Variants in EGLN3 observed in about 807,000 individuals in gnomAD.
EGLN3 encodes the protein egl-9 family hypoxia inducible factor 3.
EGLN3 carries 15 observed loss-of-function variants against 26.0 expected under a neutral mutation model. The observed-to-expected ratio is 0.58, with a 90% CI of 0.39 to 0.89. The LOEUF is 0.89. EGLN3 is among the 40% of genes least tolerant of loss of function. The pLI, the probability that EGLN3 is intolerant of heterozygous loss-of-function variation, is 0.00. For synonymous variants in EGLN3, 147 were observed against 127.2 expected (o/e 1.16, Z -1.05); for missense variants, 238 against 311.6 (o/e 0.76, Z 1.78).
At chr14:33,931,378 T>C (rs1242293809) in intron 1 of EGLN3, 163 bp from the exon 2 acceptor site, 2 of 1,016,700 alleles carry the variant, frequency 2.0e-6, no homozygotes, top group Non-Finnish European at 2.8e-6. Flanking sequence ...ATTTGGACTC[T>C]TCTGTGCACA....
At chr14:33,939,208 C>T (rs76076664) in intron 1 of EGLN3, among the ~76,000 whole-genome samples, 20 of 131,110 alleles carry the variant, frequency 1.5e-4, no homozygotes, top group African/African-American at 4.7e-4. Flanking sequence ...AAACAATCAT[C>T]TTTTTTTTTT....
intron 1 of EGLN3, among the ~76,000 whole-genome samples, chr14:33,937,822 A>G (rs185867916): frequency 6.6e-6 from 1 of 152,340 alleles, no homozygotes; most frequent in East Asian, 1.9e-4. Flanking sequence ...CTAATATTGT[A>G]GAAACTTCAG....
intron 4 of EGLN3, among the ~76,000 whole-genome samples, chr14:33,926,150 G>A (rs2064361036): frequency 6.6e-6 from 1 of 152,164 alleles, no homozygotes; most frequent in Non-Finnish European, 1.5e-5. Flanking sequence ...GGCACCTCTT[G>A]GGCTAATGCT....
intron 1 of EGLN3, among the ~76,000 whole-genome samples, chr14:33,941,558 C>G (rs541125601): frequency 2.1e-5 from 3 of 144,220 alleles, no homozygotes; most frequent in Non-Finnish European, 4.6e-5. Flanking sequence ...TCTATCCCCC[C>G]CAAAAAAAAT....
intron 1 of EGLN3, 93 bp from the exon 2 acceptor site, chr14:33,931,308 G>C: frequency 6.4e-7 from 1 of 1,554,586 alleles, no homozygotes; most frequent in South Asian, 1.2e-5. Flanking sequence ...CAGTCTCCTT[G>C]GGTGTTACGT....
intron 1 of EGLN3, among the ~76,000 whole-genome samples, chr14:33,934,095 C>G (rs1371698204): frequency 6.6e-6 from 1 of 152,190 alleles, no homozygotes; most frequent in Non-Finnish European, 1.5e-5. Context: ...TCCTATAGTT[C>G]TATTCTTGGA....
chr14:33,925,664 T>C lies in EGLN3; in HGVS notation c.*227A>G. On this transcript the variant is annotated 3_prime_UTR_variant, in exon 5 of 5. Transcript: ENST00000250457. ...TGGCCGAGTAGGATGTCTGCAGGAA[T>C]TTCTGGAGTTAGCAAGTAACTTCAT... is the stretch of plus-strand genomic sequence containing the variant. 1 of 569,334 alleles carries C rather than the reference T, an allele frequency of 1.8e-6. No homozygotes were observed. Among genetic ancestry groups the C allele is most frequent in the Non-Finnish European group, 3.1e-6 (1 of 321,130 alleles). 35.3% of individuals were successfully genotyped at this position (569,334 alleles called of 1,614,324 possible).
At position 33,925,922 on chromosome 14, in the gene EGLN3, C is replaced by T. The variant is rs1393015772; in HGVS notation, c.689G>A (p.Arg230Lys). 1 of 1,603,224 alleles carries T rather than the reference C, an allele frequency of 6.2e-7. No homozygotes were observed. The highest frequency in any genetic ancestry group is 1.7e-5 in the Admixed American group (1 of 59,134). The change falls in exon 5 of 5, where the codon AGG (arginine) becomes AAG (lysine). Residue 230 changes from arginine to lysine, a missense_variant and splice_region_variant. Transcript: ENST00000250457. Reference protein sequence around the residue: ...EAKKKFRNLTRKTESALTED With the variant: ...EAKKKFRNLTKKTESALTED ...TTCAGTGAGGGCAGATTCAGTTTTC[C>T]CTGGGTTGGGGACAGAAAGGAGAAT...
In EGLN3 at chr14:33,950,985, T is replaced by C; in HGVS notation, c.-233A>G. The C allele has an allele frequency of 1.8e-6, 1 of 553,544 alleles. No individual in the cohort carries two copies. Among genetic ancestry groups the C allele is most frequent in the East Asian group, 3.0e-5 (1 of 33,640 alleles). 34.3% of individuals were successfully genotyped at this position (553,544 alleles called of 1,614,324 possible). On this transcript the variant is annotated 5_prime_UTR_variant, in exon 1 of 5. Coordinates refer to ENST00000250457, the MANE Select transcript of EGLN3 (RefSeq NM_022073.4). ...AGTGGTGCGGAGCTCCACGACCCGT[T>C]TCCGGACTGGCCCGGCGAGCAGTGC...
Position 33,925,888 on chromosome 14 carries a change from C to A in EGLN3, c.*3G>T, listed in dbSNP as rs373988135. 145 of 1,613,956 alleles carry A rather than the reference C, an allele frequency of 9.0e-5. No homozygotes were observed. The African/African-American group carries it at 1.8e-3, about 20-fold the overall frequency. ...AACAAGGCCAGCAGATTTCAGAGCA[C>A]GGTCAGTCTTCAGTGAGGGCAGATT... On this transcript the variant is annotated 3_prime_UTR_variant, in exon 5 of 5. Transcript: ENST00000250457.
At chr14:33,927,844 A>C (rs2064373005) in intron 3 of EGLN3, among the ~76,000 whole-genome samples, 1 of 152,098 alleles carries the variant, frequency 6.6e-6, no homozygotes, top group Non-Finnish European at 1.5e-5. Flanking sequence ...ATTGAGGCAA[A>C]ATTGCAATTG....
chr14:33,927,190 T>G (rs569911144), intron 3 of EGLN3, among the ~76,000 whole-genome samples, 157 bp from the exon 4 acceptor site: 123 of 151,410 alleles, frequency 8.1e-4, no homozygotes, highest in Middle Eastern at 3.4e-3. Flanking sequence ...TATTTATTTA[T>G]TTTTTGAGAT....
intron 1 of EGLN3, among the ~76,000 whole-genome samples, chr14:33,944,821 C>T (rs1293276206): frequency 1.3e-5 from 2 of 152,228 alleles, no homozygotes; most frequent in African/African-American, 4.8e-5. Context: ...CAGTGTGCAG[C>T]ACTGAGTGAT....
chr14:33,941,033 A>C (rs1046901042), intron 1 of EGLN3, among the ~76,000 whole-genome samples: 1 of 152,178 alleles, frequency 6.6e-6, no homozygotes, highest in Admixed American at 6.5e-5. Context: ...TGTCATCTCA[A>C]TGTTAATTCC....
At position 33,927,229 on chromosome 14, in the gene EGLN3, C is replaced by A. The variant is rs374383117; in HGVS notation, c.615-196G>T. Among the ~76,000 whole-genome samples, 10 of 151,460 alleles carry A rather than the reference C, an allele frequency of 6.6e-5. No homozygotes were observed. The South Asian group carries it at 2.1e-3, about 32-fold the overall frequency. On this transcript the variant is annotated intron_variant, in intron 3 of 4. Coordinates refer to ENST00000250457, the MANE Select transcript of EGLN3 (RefSeq NM_022073.4). ...GTCTTGCTCTGTTGCCAGGCAGAGG[C>A]GTGATCTCGGCTCACTGCAACCTCC...
chr14:33,928,734 T>G (rs1012925174), intron 3 of EGLN3, among the ~76,000 whole-genome samples: 2 of 151,946 alleles, frequency 1.3e-5, no homozygotes, highest in African/African-American at 2.4e-5. Context: ...CAGCCAACAT[T>G]CTCTAGGCAT....
Position 33,950,531 on chromosome 14 carries a change from C to CCG in EGLN3, c.220_221dup (p.Asp76AlafsTer78). 1 of 1,613,532 alleles carries CCG rather than the reference C, an allele frequency of 6.2e-7. No individual in the cohort carries two copies. The highest frequency in any genetic ancestry group is 8.5e-7 in the Non-Finnish European group (1 of 1,179,954). ...CCCCGATCCACGTGATCTGGTCGCC[C>CCG]CGCAGGTGTCGCTTGGAGACGCCGG... On this transcript the variant is annotated frameshift_variant, in exon 1 of 5. Coordinates refer to ENST00000250457, the MANE Select transcript of EGLN3 (RefSeq NM_022073.4). LOFTEE classifies it high-confidence loss of function.
intron 1 of EGLN3, among the ~76,000 whole-genome samples, chr14:33,944,500 A>G (rs908592192): frequency 2.6e-5 from 4 of 152,222 alleles, no homozygotes; most frequent in Non-Finnish European, 5.9e-5. Flanking sequence ...ATATGAAAAC[A>G]ACTGCTGAAT....
chr14:33,934,466 T>TTA (rs1555343504), intron 1 of EGLN3, among the ~76,000 whole-genome samples: 2 of 138,400 alleles, frequency 1.4e-5, no homozygotes, highest in African/African-American at 5.4e-5. Flanking sequence ...GCTGACTTCA[T>TTA]AAAAAAAAAA....
Sources: allele counts gnomAD v4.1 joint callset (sites outside exome capture counted in the v4.1 genomes callset), GRCh38; gene constraint gnomAD v4.1.1; transcripts MANE v1.5; gene names NCBI Gene and HGNC (gene_info 2026-07-23, HGNC 2026-07-21).